SUCLG2: variants seen among roughly 807,000 people sequenced by gnomAD.
SUCLG2 encodes succinate--CoA ligase [GDP-forming] subunit beta, mitochondrial.
In SUCLG2, 42 loss-of-function variants were observed where a neutral mutation model predicts 47.9. That is an observed-to-expected ratio of 0.88 (90% CI 0.69 to 1.14). The LOEUF is 1.14. Among genes scored for constraint, SUCLG2 ranks in the 50% most tolerant of loss-of-function variants. SUCLG2 has a pLI of 0.00. For missense variants in SUCLG2, 571 were observed against 525.9 expected, an observed-to-expected ratio of 1.09 and a Z score of -0.84; for synonymous variants, 195 against 197.3, an observed-to-expected ratio of 0.99 and a Z score of 0.10.
intron 2 of SUCLG2, among the ~76,000 whole-genome samples, chr3:67,539,709 G>C (rs1433897647): frequency 6.6e-6 from 1 of 152,048 alleles, no homozygotes; most frequent in Non-Finnish European, 1.5e-5. Flanking sequence ...TTGGTTGGTA[G>C]GCTATTAATT....
intron 2 of SUCLG2, among the ~76,000 whole-genome samples, chr3:67,608,799 TC>T (rs1700472262): frequency 6.6e-6 from 1 of 151,886 alleles, no homozygotes; most frequent in Non-Finnish European, 1.5e-5. Context: ...TGCCAAAGCC[TC>T]CAGAGTAGCT....
chr3:67,470,205 A>T (rs969257131), intron 9 of SUCLG2, among the ~76,000 whole-genome samples: 1 of 152,232 alleles, frequency 6.6e-6, no homozygotes, highest in Admixed American at 6.5e-5. Context: ...AATGTAAAAA[A>T]GAATGACACA....
At chr3:67,614,952 T>C (rs1218026964) in intron 1 of SUCLG2, among the ~76,000 whole-genome samples, 2 of 152,162 alleles carry the variant, frequency 1.3e-5, no homozygotes, top group East Asian at 3.9e-4. Context: ...CTGGGGTAGG[T>C]GGGCACCTAG....
chr3:67,627,290 T>C (rs1301383363), intron 1 of SUCLG2, among the ~76,000 whole-genome samples: 1 of 152,194 alleles, frequency 6.6e-6, no homozygotes, highest in Non-Finnish European at 1.5e-5. Context: ...GTTACTCCTT[T>C]GGGAAATGCC....
At chr3:67,387,646 A>AT (rs1400646753) in intron 10 of SUCLG2, among the ~76,000 whole-genome samples, 1 of 152,174 alleles carries the variant, frequency 6.6e-6, no homozygotes, top group African/African-American at 2.4e-5. Context: ...GAATTAAGTG[A>AT]TTTTTATAAT....
intron 9 of SUCLG2, among the ~76,000 whole-genome samples, chr3:67,422,819 T>C (rs1368183375): frequency 1.3e-5 from 2 of 152,136 alleles, no homozygotes; most frequent in African/African-American, 2.4e-5. Flanking sequence ...GGATAGGGCA[T>C]CTGTATCATT....
intron 9 of SUCLG2, among the ~76,000 whole-genome samples, chr3:67,415,971 C>A (rs549228693): frequency 2.6e-5 from 4 of 152,186 alleles, no homozygotes; most frequent in African/African-American, 9.7e-5. Context: ...AACTGCCAAG[C>A]CATAAGGACG....
At chr3:67,380,051 G>T (rs72916788) in intron 10 of SUCLG2, among the ~76,000 whole-genome samples, 11,896 of 152,190 alleles carry the variant, frequency 0.078, 852 homozygotes, top group African/African-American at 0.19. Flanking sequence ...AAGTGTGCTT[G>T]ACGAGAAGAG....
chr3:67,466,985 T>C lies in SUCLG2; in HGVS notation c.1062+28813A>G, dbSNP rs931402310. Among the ~76,000 whole-genome samples, 10 of 152,244 alleles carry C rather than the reference T, an allele frequency of 6.6e-5. No individual in the cohort carries two copies. The South Asian group carries it at 8.3e-4, about 13-fold the overall frequency. On this transcript the variant is annotated intron_variant, in intron 9 of 10. Coordinates refer to ENST00000307227, the MANE Select transcript of SUCLG2 (RefSeq NM_003848.4). ...GAAAAGTATATTACATCTAGTCCAA[T>C]AGAACATTTAGATACAAGTCAGGAT...
At chr3:67,472,904 A>G (rs1279442697) in intron 9 of SUCLG2, among the ~76,000 whole-genome samples, 1 of 152,242 alleles carries the variant, frequency 6.6e-6, no homozygotes, top group Non-Finnish European at 1.5e-5. Flanking sequence ...ACAGGAAGGC[A>G]GCTAAGTATC....
intron 9 of SUCLG2, among the ~76,000 whole-genome samples, chr3:67,425,149 T>C (rs1703266051): frequency 6.6e-6 from 1 of 152,198 alleles, no homozygotes; most frequent in Non-Finnish European, 1.5e-5. Flanking sequence ...CTTATGAATT[T>C]ACTTTGTTTT....
At chr3:67,420,236 G>C (rs901817508) in intron 9 of SUCLG2, among the ~76,000 whole-genome samples, 3 of 152,200 alleles carry the variant, frequency 2.0e-5, no homozygotes, top group African/African-American at 7.2e-5. Flanking sequence ...TTTGTCACAA[G>C]TCAGGTATCT....
intron 2 of SUCLG2, among the ~76,000 whole-genome samples, chr3:67,578,234 A>C (rs1707792258): frequency 6.8e-6 from 1 of 147,042 alleles, no homozygotes; most frequent in African/African-American, 2.5e-5. Context: ...ATATATAAAA[A>C]ATTTTACATA....
intron 7 of SUCLG2, among the ~76,000 whole-genome samples, chr3:67,500,664 T>C (rs945457756): frequency 6.6e-6 from 1 of 152,198 alleles, no homozygotes; most frequent in Admixed American, 6.5e-5. Flanking sequence ...CGTACATGGC[T>C]TTCCACTAGG....
At chr3:67,499,800 C>T (rs7641854) in intron 7 of SUCLG2, among the ~76,000 whole-genome samples, 3,794 of 152,092 alleles carry the variant, frequency 0.025, 158 homozygotes, top group African/African-American at 0.087. Context: ...GGCGCAATCT[C>T]GGCTCACTAT....
At chr3:67,566,166 A>G (rs1412847653) in intron 2 of SUCLG2, among the ~76,000 whole-genome samples, 1 of 152,188 alleles carries the variant, frequency 6.6e-6, no homozygotes. Flanking sequence ...CTGTGATCTT[A>G]CTGATTTTCC....
At chr3:67,430,683 A>C (rs1703453111) in intron 9 of SUCLG2, among the ~76,000 whole-genome samples, 3 of 152,172 alleles carry the variant, frequency 2.0e-5, no homozygotes, top group African/African-American at 7.2e-5. Context: ...TGAAAAGATC[A>C]ACAAAATTGA....
At chr3:67,458,133 A>G (rs1350675575) in intron 9 of SUCLG2, among the ~76,000 whole-genome samples, 1 of 152,168 alleles carries the variant, frequency 6.6e-6, no homozygotes, top group Non-Finnish European at 1.5e-5. Flanking sequence ...CCGCCTTCCC[A>G]GAACCTGCCA....
intron 1 of SUCLG2, among the ~76,000 whole-genome samples, chr3:67,633,010 T>C (rs1259770430): frequency 6.6e-6 from 1 of 152,234 alleles, no homozygotes; most frequent in East Asian, 1.9e-4. Flanking sequence ...AAAGATATTT[T>C]ATAATCCTTC....
Sources: allele counts gnomAD v4.1 joint callset (sites outside exome capture counted in the v4.1 genomes callset), GRCh38; gene constraint gnomAD v4.1.1; transcripts MANE v1.5; gene names NCBI Gene and HGNC (gene_info 2026-07-23, HGNC 2026-07-21).